The following PTPRG variants were observed in gnomAD, a reference collection of about 807,000 sequenced individuals.
PTPRG encodes receptor-type tyrosine-protein phosphatase gamma.
A neutral mutation model predicts 165.3 loss-of-function variants in PTPRG; 102 were observed. The ratio of observed to expected loss-of-function variants is 0.62; its 90% CI spans 0.53 to 0.73. The LOEUF (loss-of-function observed/expected upper bound fraction) is 0.73, where lower values mean the gene tolerates loss of function less well. Ranked by LOEUF, PTPRG falls within the 30% of genes least tolerant of loss-of-function variation. The probability of loss-of-function intolerance (pLI) is 0.00; values close to 1 mark genes in which losing one functional copy is unlikely to be tolerated. For missense variants in PTPRG, 1,866 were observed against 1,861.4 expected, an observed-to-expected ratio of 1.00 and a Z score of -0.05; for synonymous variants, 675 against 669.5, an observed-to-expected ratio of 1.01 and a Z score of -0.13.
At chr3:61,834,737 C>A (rs1208728159) in intron 2 of PTPRG, among the ~76,000 whole-genome samples, 7 of 152,162 alleles carry the variant, frequency 4.6e-5, no homozygotes, top group African/African-American at 1.7e-4. Context: ...TGCTTTAACC[C>A]AGGAGGTGGA....
chr3:61,770,758 C>G (rs772563345), intron 2 of PTPRG: 2 of 152,074 alleles, frequency 1.3e-5, no homozygotes, highest in African/African-American at 4.8e-5. Flanking sequence ...TTTTTACTTT[C>G]AAATTCATAT....
chr3:62,154,472 C>A (rs767089005), intron 6 of PTPRG, among the ~76,000 whole-genome samples: 5 of 152,210 alleles, frequency 3.3e-5, no homozygotes, highest in African/African-American at 7.2e-5. Flanking sequence ...CACGCACTTT[C>A]CATCATGCCT....
chr3:61,704,312 G>T (rs950272088), intron 1 of PTPRG, among the ~76,000 whole-genome samples: 43 of 152,118 alleles, frequency 2.8e-4, no homozygotes, highest in Admixed American at 2.8e-3. Context: ...GTCCATGCAG[G>T]GTTTCTTGGC....
intron 2 of PTPRG, among the ~76,000 whole-genome samples, chr3:61,956,022 A>G (rs912515884): frequency 1.3e-5 from 2 of 152,052 alleles, no homozygotes; most frequent in Admixed American, 1.3e-4. Flanking sequence ...TTTCTGGAGA[A>G]AGGAACAAAT....
At chr3:62,290,640 T>C (rs1452996136) in intron 28 of PTPRG, among the ~76,000 whole-genome samples, 5 of 152,046 alleles carry the variant, frequency 3.3e-5, no homozygotes, top group Non-Finnish European at 7.4e-5. Context: ...AAGAATGTAG[T>C]ACATGATAAA....
At chr3:62,192,368 A>G (rs1699852309) in intron 9 of PTPRG, among the ~76,000 whole-genome samples, 1 of 137,856 alleles carries the variant, frequency 7.3e-6, no homozygotes, top group African/African-American at 2.7e-5. Flanking sequence ...CTCCTTCCCT[A>G]TAAAGCAAAC....
chr3:61,810,608 C>G (rs1162057089), intron 2 of PTPRG, among the ~76,000 whole-genome samples: 1 of 152,162 alleles, frequency 6.6e-6, no homozygotes, highest in African/African-American at 2.4e-5. Context: ...AAGACAAGTT[C>G]CCAGGTCTGG....
At chr3:61,942,975 C>A (rs1008477638) in intron 2 of PTPRG, among the ~76,000 whole-genome samples, 3 of 152,158 alleles carry the variant, frequency 2.0e-5, no homozygotes, top group African/African-American at 4.8e-5. Flanking sequence ...CCAGTGTATA[C>A]AGATTTGTCT....
At chr3:61,788,961 C>A (rs1269688651) in intron 2 of PTPRG, among the ~76,000 whole-genome samples, 1 of 152,234 alleles carries the variant, frequency 6.6e-6, no homozygotes, top group African/African-American at 2.4e-5. Context: ...GTCATTGTTG[C>A]TGCTCTCTGT....
Position 62,199,120 on chromosome 3 carries a change from C to T in PTPRG, c.1328-2385C>T, listed in dbSNP as rs78661750. Among the ~76,000 whole-genome samples, 769 of 152,282 alleles carry T rather than the reference C, an allele frequency of 5.0e-3. 6 individuals carry two copies. Among genetic ancestry groups the T allele is most frequent in the African/African-American group, 0.017 (712 of 41,550 alleles). ...TTTTAAAGGGGAGGTAAAGTAGTTC[C>T]TCCTGGGAATCTTTTTTCCTGTCTT... On this transcript the variant is annotated intron_variant, in intron 10 of 29. Transcript: ENST00000474889.
chr3:61,605,966 C>T (rs1700994620), intron 1 of PTPRG, among the ~76,000 whole-genome samples: 1 of 152,244 alleles, frequency 6.6e-6, no homozygotes, highest in African/African-American at 2.4e-5. Flanking sequence ...CATGAGGTCC[C>T]ACCTCTGTCT....
chr3:62,290,611 G>C (rs1702850231), intron 28 of PTPRG, among the ~76,000 whole-genome samples: 1 of 152,114 alleles, frequency 6.6e-6, no homozygotes, highest in Admixed American at 6.6e-5. Flanking sequence ...ACAGAGTTCA[G>C]AAATAGGCTT....
intron 10 of PTPRG, among the ~76,000 whole-genome samples, chr3:62,196,124 C>G (rs942131697): frequency 6.7e-6 from 1 of 149,192 alleles, no homozygotes; most frequent in Non-Finnish European, 1.5e-5. Context: ...AGGCTGAGTG[C>G]GGTGGCTCAC....
At position 61,819,473 on chromosome 3, in the gene PTPRG, A is replaced by G. The variant is rs370507978; in HGVS notation, c.190+70491A>G. On this transcript the variant is annotated intron_variant, in intron 2 of 29. Transcript: ENST00000474889. ...GGAAGGATAGCACTAGAGGTGACACAGTTTTGTGGCCCTGAATAAATTTGT... is the reference window on the plus strand; with the variant it reads ...GGAAGGATAGCACTAGAGGTGACACGGTTTTGTGGCCCTGAATAAATTTGT... Among the ~76,000 whole-genome samples, 277 of 152,292 alleles carry G rather than the reference A, an allele frequency of 1.8e-3. 2 individuals carry two copies. The highest frequency in any genetic ancestry group is 0.01 in the Middle Eastern group (3 of 294).
At chr3:61,688,369 A>C (rs1703707548) in intron 1 of PTPRG, among the ~76,000 whole-genome samples, 1 of 152,174 alleles carries the variant, frequency 6.6e-6, no homozygotes, top group South Asian at 2.1e-4. Flanking sequence ...GGCATTTGTC[A>C]TCCCAGCTGG....
rs368779913 is a variant in PTPRG, at chr3:62,235,508, G to A, written c.2375+4197G>A. 3.9e-5 allele frequency among the ~76,000 whole-genome samples: 6 copies of A among 152,304 alleles called. No individual in the cohort carries two copies. In the East Asian group the frequency reaches 5.8e-4, roughly 15 times the overall value. On this transcript the variant is annotated intron_variant, in intron 14 of 29. Coordinates refer to ENST00000474889, the MANE Select transcript of PTPRG (RefSeq NM_002841.4). ...TCCTATCTCCTGGAAAGTATTACCA[G>A]TACTTCAGTCAGACCTAGGTATCTG...
intron 2 of PTPRG, among the ~76,000 whole-genome samples, chr3:61,809,507 A>G (rs548739161): frequency 3.9e-5 from 6 of 152,218 alleles, no homozygotes; most frequent in Admixed American, 3.9e-4. Flanking sequence ...CCCAAGAAAT[A>G]AGGGTTGAAA....
rs774939402 is a variant in PTPRG, at chr3:62,262,847, A to G, written c.2609A>G (p.Asn870Ser). ...ATGAACATCACTGCAGAGCATTCCAATCATCCAGAAAACAAGCACAAAAAC... is the reference window on the plus strand; with the variant it reads ...ATGAACATCACTGCAGAGCATTCCAGTCATCCAGAAAACAAGCACAAAAAC... ...ADMNITAEHS[N>S]HPENKHKNRY... Residue 870 changes from asparagine (N) to serine (S), a missense_variant, in exon 17 of 30, where the codon AAT becomes AGT. Physicochemically the swap from Asn to Ser is conservative, Grantham distance 46. Coordinates refer to ENST00000474889, the MANE Select transcript of PTPRG (RefSeq NM_002841.4). 2.7e-5 allele frequency: 44 copies of G among 1,613,842 alleles called. No homozygotes were observed. Among genetic ancestry groups the G allele is most frequent in the Non-Finnish European group, 3.1e-5 (36 of 1,179,876 alleles).
chr3:62,130,222 G>A (rs564232707), intron 5 of PTPRG, among the ~76,000 whole-genome samples: 5 of 152,178 alleles, frequency 3.3e-5, no homozygotes, highest in Non-Finnish European at 7.3e-5. Context: ...CTAGAAGAAC[G>A]TTAGCTAGGA....
Sources: gnomAD v4.1 joint callset for allele counts (sites outside exome capture counted in the v4.1 genomes callset) on GRCh38, gnomAD v4.1.1 for gene constraint, MANE v1.5 for transcripts, NCBI Gene and HGNC (gene_info 2026-07-23, HGNC 2026-07-21) for gene names.